EEPD1: variants seen among roughly 807,000 people sequenced by gnomAD.
EEPD1 encodes the protein endonuclease/exonuclease/phosphatase family domain-containing protein 1.
Under a neutral mutation model 46.3 loss-of-function variants are expected in EEPD1, and 17 were observed. The observed-to-expected ratio is 0.37, with a 90% CI of 0.25 to 0.55. The LOEUF is 0.55. Among genes scored for constraint, EEPD1 ranks in the 20% least tolerant of loss-of-function variants. The probability of loss-of-function intolerance (pLI) is 0.83; values close to 1 mark genes in which losing one functional copy is unlikely to be tolerated. For synonymous variants in EEPD1, 313 were observed against 315.6 expected, an observed-to-expected ratio of 0.99 and a Z score of 0.09; for missense variants, 673 against 745.6, an observed-to-expected ratio of 0.90 and a Z score of 1.13.
At chr7:36,221,911 TC>T (rs1329213201) in intron 2 of EEPD1, among the ~76,000 whole-genome samples, 2 of 152,142 alleles carry the variant, frequency 1.3e-5, no homozygotes, top group East Asian at 1.9e-4. Context: ...GTCCTCTGTG[TC>T]CCCCCCACAG....
chr7:36,224,823 T>C (rs1165339680), intron 2 of EEPD1, among the ~76,000 whole-genome samples: 1 of 152,060 alleles, frequency 6.6e-6, no homozygotes. Context: ...TTGTGAATGT[T>C]ACCTCACATG....
At chr7:36,280,959 C>G (rs1467435776) in intron 3 of EEPD1, 156 bp from the exon 4 acceptor site, 6 of 572,066 alleles carry the variant, frequency 1.0e-5, no homozygotes, top group Non-Finnish European at 1.5e-5. Context: ...CTGGCTCTTG[C>G]AAACCCTAGT....
chr7:36,163,093 C>T (rs1368251376), intron 2 of EEPD1, among the ~76,000 whole-genome samples: 3 of 80,888 alleles, frequency 3.7e-5, no homozygotes, highest in Non-Finnish European at 8.3e-5. Context: ...TAAGCAAATT[C>T]AGTCTAATTT....
intron 2 of EEPD1, among the ~76,000 whole-genome samples, chr7:36,182,098 T>G (rs1785277242): frequency 6.6e-6 from 1 of 152,182 alleles, no homozygotes; most frequent in Non-Finnish European, 1.5e-5. Flanking sequence ...GTGGATAAGG[T>G]TGTGCATCGC....
intron 2 of EEPD1, among the ~76,000 whole-genome samples, chr7:36,163,883 G>GACAA (rs1784941423): frequency 9.0e-6 from 1 of 111,086 alleles, no homozygotes; most frequent in African/African-American, 3.3e-5. Context: ...ATCTCAGGAA[G>GACAA]AAAAAAAAAA....
chr7:36,294,483 G>A (rs1269584282), intron 6 of EEPD1, among the ~76,000 whole-genome samples: 1 of 152,160 alleles, frequency 6.6e-6, no homozygotes, highest in East Asian at 1.9e-4. Flanking sequence ...GCTAAAGAGT[G>A]AAATGTATCA....
chr7:36,243,545 A>G (rs919606786), intron 3 of EEPD1, among the ~76,000 whole-genome samples: 3 of 152,124 alleles, frequency 2.0e-5, no homozygotes, highest in African/African-American at 7.2e-5. Flanking sequence ...TTTTGTAATC[A>G]CTGAACTCCC....
At chr7:36,237,277 C>T (rs1239168592) in intron 2 of EEPD1, among the ~76,000 whole-genome samples, 1 of 152,210 alleles carries the variant, frequency 6.6e-6, no homozygotes, top group African/African-American at 2.4e-5. Context: ...CCGCGAGGTT[C>T]CACGGCTTCA....
intron 3 of EEPD1, among the ~76,000 whole-genome samples, chr7:36,248,627 A>G (rs1340891719): frequency 6.9e-6 from 1 of 145,108 alleles, no homozygotes; most frequent in Non-Finnish European, 1.5e-5. Context: ...TTAGCCCTTC[A>G]TGTAGTCAGA....
Position 36,244,803 on chromosome 7 carries a change from T to C in EEPD1, c.930+5767T>C, listed in dbSNP as rs183997339. 5.9e-4 allele frequency among the ~76,000 whole-genome samples: 85 copies of C among 143,986 alleles called. 1 individual carries two copies. In the East Asian group the frequency reaches 0.013, roughly 23 times the overall value. The allele number at this position is 143,986 out of a possible 152,430, so 94.5% of individuals were successfully genotyped here. ...TTTTTTTTTTTTGGAGACGGAGTCTTGCCCTGTTGCCCAGGCTGGAGTGCA... is the reference window on the plus strand; with the variant it reads ...TTTTTTTTTTTTGGAGACGGAGTCTCGCCCTGTTGCCCAGGCTGGAGTGCA... On this transcript the variant is annotated intron_variant, in intron 3 of 7. Coordinates refer to ENST00000242108, the MANE Select transcript of EEPD1 (RefSeq NM_030636.3).
At chr7:36,241,211 C>T (rs919528254) in intron 3 of EEPD1, among the ~76,000 whole-genome samples, 1 of 152,144 alleles carries the variant, frequency 6.6e-6, no homozygotes, top group Non-Finnish European at 1.5e-5. Context: ...TGCGGTGGCT[C>T]ACACCTATAA....
At chr7:36,270,345 C>T in intron 3 of EEPD1, among the ~76,000 whole-genome samples, 1 of 152,078 alleles carries the variant, frequency 6.6e-6, no homozygotes, top group Non-Finnish European at 1.5e-5. Flanking sequence ...TTCTGGGATA[C>T]ATGTGCAGAA....
At chr7:36,189,797 C>T (rs1283778648) in intron 2 of EEPD1, among the ~76,000 whole-genome samples, 2 of 152,150 alleles carry the variant, frequency 1.3e-5, no homozygotes, top group Admixed American at 6.5e-5. Flanking sequence ...CTGGATCTGA[C>T]ATTTTAAGCA....
rs1785520852 is a variant in EEPD1 at position 36,193,537 on chromosome 7, G to A, written c.878+38335G>A. On this transcript the variant is annotated intron_variant, in intron 2 of 7. Transcript: ENST00000242108. The surrounding 1 kb of genome is among the most constrained non-coding windows in gnomAD (Gnocchi z 4.9). The stretch of plus-strand genomic sequence containing the variant: ...AAGCACCCAGGGCTGGGCTCTGGGT[G>A]TATCTTCTGTGTTTTGATGGAGTGC... Among the ~76,000 whole-genome samples, 1 of 152,180 alleles carries A rather than the reference G, an allele frequency of 6.6e-6. No individual in the cohort carries two copies. The highest frequency in any genetic ancestry group is 1.5e-5 in the Non-Finnish European group (1 of 68,034).
chr7:36,207,310 C>A (rs1785839247), intron 2 of EEPD1, among the ~76,000 whole-genome samples: 3 of 152,146 alleles, frequency 2.0e-5, no homozygotes, highest in African/African-American at 7.2e-5. Flanking sequence ...AGGGGATGTT[C>A]TTCAAAGGAG....
At chr7:36,160,203 C>T (rs185399455) in intron 2 of EEPD1, among the ~76,000 whole-genome samples, 1 of 152,306 alleles carries the variant, frequency 6.6e-6, no homozygotes, top group East Asian at 1.9e-4. Context: ...TCACTAGGTA[C>T]CAGGTTCTGT....
At chr7:36,287,597 G>A (rs780202610) in intron 5 of EEPD1, 42 bp from the exon 6 acceptor site, 26 of 1,595,540 alleles carry the variant, frequency 1.6e-5, no homozygotes, top group Admixed American at 3.5e-5. Flanking sequence ...GGAAATATGA[G>A]CTTCTGAGCC....
chr7:36,238,560 T>A (rs1786497634), intron 2 of EEPD1, among the ~76,000 whole-genome samples: 1 of 152,222 alleles, frequency 6.6e-6, no homozygotes, highest in African/African-American at 2.4e-5. Context: ...TGGCGTGGCA[T>A]GTATCAGAAT....
Position 36,225,467 on chromosome 7 carries a change from C to T in EEPD1, c.879-13518C>T, listed in dbSNP as rs548944500. On this transcript the variant is annotated intron_variant, in intron 2 of 7. Transcript: ENST00000242108. This position sits in a 1 kb window ranked among gnomAD's most constrained non-coding sequence, Gnocchi z 4.2. ...CTGTGCGTGAATATCAAAGGCCTCA[C>T]TCAACCACATTCTGAACAAACTCAG... 6.6e-6 allele frequency among the ~76,000 whole-genome samples: 1 copy of T among 152,278 alleles called. No individual in the cohort carries two copies. The highest frequency in any genetic ancestry group is 2.1e-4 in the South Asian group (1 of 4,824).
Sources: gnomAD v4.1 joint callset for allele counts (sites outside exome capture counted in the v4.1 genomes callset) on GRCh38, gnomAD v4.1.1 for gene constraint, Gnocchi (gnomAD v3.1) non-coding constraint, MANE v1.5 for transcripts, NCBI Gene and HGNC (gene_info 2026-07-23, HGNC 2026-07-21) for gene names.